The following AGBL2 variants were observed in gnomAD, a reference collection of about 807,000 sequenced individuals.
The protein encoded by AGBL2 is cytosolic carboxypeptidase 2.
A neutral mutation model predicts 103.0 loss-of-function variants in AGBL2; 87 were observed. The observed-to-expected ratio is 0.84, with a 90% CI of 0.71 to 1.01. The LOEUF (loss-of-function observed/expected upper bound fraction) is 1.01, where lower values mean the gene tolerates loss of function less well. Ranked by LOEUF, AGBL2 falls within the 50% of genes least tolerant of loss-of-function variation. The pLI is 0.00. For synonymous variants in AGBL2, 335 were observed against 356.7 expected (o/e 0.94, Z 0.69); for missense variants, 904 against 1,023.5 (o/e 0.88, Z 1.59).
rs761598721 is a variant in AGBL2 at position 47,710,454 on chromosome 11, G to A, written c.155C>T (p.Pro52Leu). Residue 52 changes from proline to leucine, a missense_variant, in exon 4 of 19, where the codon CCT becomes CTT. Pro to Leu is a moderately conservative substitution (Grantham distance 98). Coordinates refer to ENST00000525123, the MANE Select transcript of AGBL2 (RefSeq NM_024783.4). ...ATHQHVRKNN[P>L]QCLLNGSLGE... ...AAGAGAGCCATTCAACAGGCATTGAGGGTTATTCTTCCGAACATGCTGATG... is the reference window on the plus strand; with the variant it reads ...AAGAGAGCCATTCAACAGGCATTGAAGGTTATTCTTCCGAACATGCTGATG... The A allele has an allele frequency of 3.1e-6, 5 of 1,614,168 alleles. No homozygotes were observed. The Admixed American group carries it at 6.7e-5, about 22-fold the overall frequency.
intron 17 of AGBL2, among the ~76,000 whole-genome samples, chr11:47,664,331 TA>T (rs1170699541): frequency 1.3e-5 from 2 of 151,806 alleles, no homozygotes; most frequent in Non-Finnish European, 2.9e-5. Flanking sequence ...ACTGTAACCT[TA>T]AACTCCTGGA....
intron 18 of AGBL2, 100 bp from the exon 19 acceptor site, chr11:47,660,446 A>G (rs2153802325): frequency 5.6e-6 from 6 of 1,065,982 alleles, no homozygotes; most frequent in Non-Finnish European, 4.1e-6. Flanking sequence ...CTGGTGAGAA[A>G]TATTTGCATT....
Position 47,663,042 on chromosome 11 carries a change from T to C in AGBL2, c.2519A>G (p.Asn840Ser). Residue 840 changes from asparagine to serine, a missense_variant, in exon 18 of 19, where the codon AAT becomes AGT. Transcript: ENST00000525123. ...PSMATLILPK[N>S]KGRMQNKKPG... The stretch of plus-strand genomic sequence containing the variant: ...GTGAAGTACCTGCATTCTCCCTTTA[T>C]TCTTAGGCAGAATCAGGGTGGCCAT... 6.2e-7 allele frequency: 1 copy of C among 1,610,898 alleles called. No individual in the cohort carries two copies. Among genetic ancestry groups the C allele is most frequent in the Non-Finnish European group, 8.5e-7 (1 of 1,178,762 alleles).
intron 11 of AGBL2, among the ~76,000 whole-genome samples, chr11:47,682,986 A>G (rs2097407308): frequency 1.3e-5 from 2 of 152,076 alleles, no homozygotes; most frequent in South Asian, 4.1e-4. Context: ...AAGGAAAAGA[A>G]GGAAAGAAAA....
chr11:47,683,044 AAAAAAAGAAAAG>A (rs2097407672), intron 11 of AGBL2, among the ~76,000 whole-genome samples: 1 of 152,064 alleles, frequency 6.6e-6, no homozygotes, highest in Admixed American at 6.6e-5. Flanking sequence ...AAGAGAAGAG[AAAAAAAGAAAAG>A]AAAAAAGAGA....
At chr11:47,683,860 G>C (rs2097412249) in intron 11 of AGBL2, among the ~76,000 whole-genome samples, 1 of 150,202 alleles carries the variant, frequency 6.7e-6, no homozygotes, top group African/African-American at 2.5e-5. Flanking sequence ...AGGTGGTGAG[G>C]CGGGAGAGTT....
At chr11:47,700,377 GAGACCA>G (rs1357438757) in intron 7 of AGBL2, among the ~76,000 whole-genome samples, 12 of 152,028 alleles carry the variant, frequency 7.9e-5, no homozygotes, top group South Asian at 2.1e-4. Flanking sequence ...TCGGGAGTTC[GAGACCA>G]GCCTGGCCAA....
chr11:47,662,851 G>A (rs755373496), intron 18 of AGBL2, among the ~76,000 whole-genome samples, 175 bp downstream of exon 18: 2 of 152,188 alleles, frequency 1.3e-5, no homozygotes, highest in Non-Finnish European at 2.9e-5. Context: ...TGAATGGTCA[G>A]TGGTAACTGT....
rs778810417 is a variant in AGBL2 at position 47,690,582 on chromosome 11, G to T, written c.1125C>A (p.Tyr375Ter). ...NNTDDGQQPFYCLTWTIQFPY... is the reference protein window; with the variant it reads ...NNTDDGQQPF ...GAAACTGAATGGTCCACGTGAGACAGTAGAAGGGCTGCTGCCCATCATCCG... is the reference window on the plus strand; with the variant it reads ...GAAACTGAATGGTCCACGTGAGACATTAGAAGGGCTGCTGCCCATCATCCG... The change falls in exon 10 of 19, where the codon TAC (tyrosine) becomes TAA (stop). Residue 375 changes from tyrosine (Y) to a stop codon, truncating the protein, a stop_gained. Transcript: ENST00000525123. LOFTEE classifies it high-confidence loss of function. The T allele has an allele frequency of 1.2e-5, 19 of 1,614,194 alleles. No individual in the cohort carries two copies. The highest frequency in any genetic ancestry group is 1.6e-5 in the Non-Finnish European group (19 of 1,180,044).
At chr11:47,661,732 AC>A (rs1454846860) in intron 18 of AGBL2, among the ~76,000 whole-genome samples, 1 of 151,600 alleles carries the variant, frequency 6.6e-6, no homozygotes, top group Admixed American at 6.6e-5. Context: ...GCTATTAGAA[AC>A]AACAGCTTAC....
chr11:47,713,301 G>GCATTTCAGATTGCA (rs1554971814), intron 3 of AGBL2, among the ~76,000 whole-genome samples: 55 of 147,980 alleles, frequency 3.7e-4, no homozygotes, highest in Non-Finnish European at 6.1e-4. Context: ...CCGAGATTGC[G>GCATTTCAGATTGCA]CCATTGCATT....
chr11:47,666,922 C>T, intron 17 of AGBL2, 34 bp downstream of exon 17: 3 of 1,327,984 alleles, frequency 2.3e-6, no homozygotes, highest in East Asian at 4.6e-5. Context: ...GTTAGAGAAT[C>T]TGTGTGACAA....
At chr11:47,679,774 G>T (rs1365680544) in intron 13 of AGBL2, among the ~76,000 whole-genome samples, 199 bp downstream of exon 13, 1 of 151,718 alleles carries the variant, frequency 6.6e-6, no homozygotes, top group African/African-American at 2.4e-5. Context: ...CCCGAGAGCT[G>T]GGATTACAGG....
chr11:47,673,107 C>T (rs1319664080), intron 14 of AGBL2, among the ~76,000 whole-genome samples: 1 of 152,134 alleles, frequency 6.6e-6, no homozygotes, highest in Non-Finnish European at 1.5e-5. Context: ...AGAACAGTAC[C>T]ATTCTAAGTG....
intron 9 of AGBL2, 24 bp from the exon 10 acceptor site, chr11:47,690,882 C>T (rs879213823): frequency 6.3e-7 from 1 of 1,575,744 alleles, no homozygotes; most frequent in Non-Finnish European, 8.6e-7. Flanking sequence ...AATAGAACAA[C>T]TCTGTAAGCT....
rs143937205 is a variant in AGBL2, at chr11:47,660,176, C to T, written c.2706G>A (p.Pro902=). Residue 902 remains proline, a synonymous_variant, in exon 19 of 19, where the codon CCG becomes CCA. Transcript: ENST00000525123. ...GTGTGGCACAGCCCAGGCTCACCTA[C>T]GGGTATGTGTATATGTGCAAGGATG... The part of the protein sequence containing the change: ...AYPSLHIYTY[P] 2.1e-3 allele frequency: 3,371 copies of T among 1,609,290 alleles called. 6 individuals carry two copies. Among genetic ancestry groups the T allele is most frequent in the Middle Eastern group, 9.9e-3 (57 of 5,782 alleles).
At position 47,664,888 on chromosome 11, in the gene AGBL2, T is replaced by A. The variant is rs74426842; in HGVS notation, c.2449-1776A>T. 9.3e-5 allele frequency among the ~76,000 whole-genome samples: 13 copies of A among 139,748 alleles called. No homozygotes were observed. In the East Asian group the frequency reaches 1.3e-3, roughly 14 times the overall value. 91.7% of individuals were successfully genotyped at this position (139,748 alleles called of 152,430 possible). A position where few individuals can be genotyped will look rare whatever the true frequency, so the allele number is the denominator to read the frequency against. On this transcript the variant is annotated intron_variant, in intron 17 of 18. Coordinates refer to ENST00000525123, the MANE Select transcript of AGBL2 (RefSeq NM_024783.4). ...ACCCACCTCCCACCTTTTTTTTTTT[T>A]TTTTTTAATTTTTAGCAAGGTCTTG...
At chr11:47,708,977 C>T (rs1164037782) in intron 4 of AGBL2, among the ~76,000 whole-genome samples, 1 of 151,978 alleles carries the variant, frequency 6.6e-6, no homozygotes, top group Non-Finnish European at 1.5e-5. Context: ...CAAAAATTAG[C>T]CAGGAGTGGT....
chr11:47,687,997 G>A (rs1177168485), intron 10 of AGBL2, among the ~76,000 whole-genome samples: 1 of 151,570 alleles, frequency 6.6e-6, no homozygotes, highest in Non-Finnish European at 1.5e-5. Context: ...TAGTAGAGAC[G>A]GGGTTTCACC....
Sources: gnomAD v4.1 joint callset for allele counts (sites outside exome capture counted in the v4.1 genomes callset) on GRCh38, gnomAD v4.1.1 for gene constraint, MANE v1.5 for transcripts, NCBI Gene and HGNC (gene_info 2026-07-23, HGNC 2026-07-21) for gene names.